SP4: variants seen among roughly 807,000 people sequenced by gnomAD.
SP4 encodes the protein transcription factor Sp4.
A neutral mutation model predicts 72.8 loss-of-function variants in SP4; 19 were observed. That is an observed-to-expected ratio of 0.26 (90% CI 0.18 to 0.38). The LOEUF (loss-of-function observed/expected upper bound fraction) is 0.38. Ranked by LOEUF, SP4 falls within the 10% of genes least tolerant of loss-of-function variation. The pLI, the probability that SP4 is intolerant of heterozygous loss-of-function variation, is 1.00. For missense variants in SP4, 1,008 were observed against 926.3 expected (o/e 1.09, Z -1.14); for synonymous variants, 395 against 333.1 (o/e 1.19, Z -2.02).
chr7:21,454,422 C>T (rs1783698552), intron 3 of SP4, among the ~76,000 whole-genome samples: 1 of 150,526 alleles, frequency 6.6e-6, no homozygotes, highest in African/African-American at 2.4e-5. Context: ...TTGGCTTGAA[C>T]ATCCCTCTTT....
At chr7:21,500,992 C>T (rs1781849376) in intron 5 of SP4, among the ~76,000 whole-genome samples, 1 of 152,262 alleles carries the variant, frequency 6.6e-6, no homozygotes, top group Admixed American at 6.5e-5. Flanking sequence ...GTATGGTAGG[C>T]AGGCACACCC....
intron 5 of SP4, among the ~76,000 whole-genome samples, chr7:21,487,924 G>A (rs545862070): frequency 2.0e-5 from 3 of 151,914 alleles, no homozygotes; most frequent in African/African-American, 4.8e-5. Context: ...TCACTGGCAC[G>A]ATCACAGCTC....
intron 5 of SP4, among the ~76,000 whole-genome samples, chr7:21,502,945 G>C (rs1218583268): frequency 2.0e-5 from 3 of 152,018 alleles, no homozygotes; most frequent in African/African-American, 7.2e-5. Context: ...GGGTTCCTTA[G>C]GTGACCCATG....
At chr7:21,440,022 G>C (rs1179176421) in intron 3 of SP4, among the ~76,000 whole-genome samples, 1 of 152,172 alleles carries the variant, frequency 6.6e-6, no homozygotes, top group Non-Finnish European at 1.5e-5. Flanking sequence ...AAGTTAAGGA[G>C]GTAAGAAATA....
At chr7:21,482,627 T>C in intron 5 of SP4, 1 of 983,780 alleles carries the variant, frequency 1.0e-6, no homozygotes. Context: ...AGTTATAAAG[T>C]GAACATCATG....
At position 21,512,595 on chromosome 7, in the gene SP4, T is replaced by C. The variant is rs992811512; in HGVS notation, c.*1326T>C. On this transcript the variant is annotated 3_prime_UTR_variant, in exon 6 of 6. Transcript: ENST00000222584. ...TTTTTTTTTTGAGATGGAGTCTCGC[T>C]CTCTTGCCCAGGCTGGAGTGCAATG... 1 of 145,256 alleles carries C rather than the reference T, an allele frequency of 6.9e-6. No homozygotes were observed. Among genetic ancestry groups the C allele is most frequent in the Admixed American group, 7.1e-5 (1 of 14,184 alleles). 9.0% of individuals were successfully genotyped at this position (145,256 alleles called of 1,614,324 possible).
intron 3 of SP4, among the ~76,000 whole-genome samples, chr7:21,448,626 C>T (rs1204373947): frequency 6.6e-6 from 1 of 152,108 alleles, no homozygotes; most frequent in Admixed American, 6.5e-5. Context: ...AGATAGCCTG[C>T]CTACTAGACA....
At chr7:21,480,842 T>G (rs2128410856) in intron 4 of SP4, among the ~76,000 whole-genome samples, 1 of 152,348 alleles carries the variant, frequency 6.6e-6, no homozygotes, top group Non-Finnish European at 1.5e-5. Context: ...GAGAGTACCC[T>G]TAGGCTTGAA....
chr7:21,475,711 C>T (rs891944701), intron 3 of SP4, among the ~76,000 whole-genome samples: 1 of 152,174 alleles, frequency 6.6e-6, no homozygotes, highest in African/African-American at 2.4e-5. Context: ...GATCTGACAT[C>T]TCAGCCTCCC....
At chr7:21,489,553 CTTTTTT>C (rs1193080485) in intron 5 of SP4, among the ~76,000 whole-genome samples, 964 of 82,520 alleles carry the variant, frequency 0.012, 16 homozygotes, top group African/African-American at 0.044. Flanking sequence ...TTTCTTTTTT[CTTTTTT>C]TTTTTTTTTT....
At chr7:21,499,420 T>C (rs946561905) in intron 5 of SP4, among the ~76,000 whole-genome samples, 1 of 152,172 alleles carries the variant, frequency 6.6e-6, no homozygotes, top group Non-Finnish European at 1.5e-5. Context: ...ACTCAATAGC[T>C]GATGTCCTTA....
intron 3 of SP4, among the ~76,000 whole-genome samples, chr7:21,451,360 G>C (rs2128398679): frequency 6.6e-6 from 1 of 152,274 alleles, no homozygotes; most frequent in Middle Eastern, 3.4e-3. Flanking sequence ...TTTAACAACT[G>C]CCTGACCACC....
chr7:21,499,876 C>CT (rs1205076750), intron 5 of SP4, among the ~76,000 whole-genome samples: 4 of 152,268 alleles, frequency 2.6e-5, no homozygotes, highest in South Asian at 2.1e-4. Flanking sequence ...AGGCAGAACT[C>CT]TGACAGTTAG....
At chr7:21,433,374 T>G (rs1782931609) in intron 3 of SP4, among the ~76,000 whole-genome samples, 1 of 152,220 alleles carries the variant, frequency 6.6e-6, no homozygotes. Flanking sequence ...ATAAATATGC[T>G]CAATCCTTTT....
chr7:21,452,608 A>C (rs1249193543), intron 3 of SP4, among the ~76,000 whole-genome samples: 2 of 152,190 alleles, frequency 1.3e-5, no homozygotes, highest in East Asian at 3.9e-4. Context: ...AACCTTGGTA[A>C]AATAACCAGT....
At chr7:21,496,180 C>T (rs183375360) in intron 5 of SP4, among the ~76,000 whole-genome samples, 3 of 151,884 alleles carry the variant, frequency 2.0e-5, no homozygotes, top group East Asian at 3.9e-4. Context: ...ATTTTGGTGG[C>T]GATTATGTGA....
At chr7:21,480,594 T>G (rs73060317) in intron 4 of SP4, among the ~76,000 whole-genome samples, 27,640 of 152,188 alleles carry the variant, frequency 0.18, 3,318 homozygotes, top group Non-Finnish European at 0.27. Context: ...TGATTTCTGA[T>G]TCTAATAATT....
chr7:21,463,455 A>G (rs2158415), intron 3 of SP4, among the ~76,000 whole-genome samples: 3,270 of 152,332 alleles, frequency 0.021, 124 homozygotes, highest in African/African-American at 0.074. Flanking sequence ...TAAGAACACC[A>G]GAAAGTGGAT....
chr7:21,442,738 G>A (rs1253477082), intron 3 of SP4, among the ~76,000 whole-genome samples: 1 of 152,086 alleles, frequency 6.6e-6, no homozygotes, highest in Non-Finnish European at 1.5e-5. Flanking sequence ...GTAGTTTTTT[G>A]TTTTGTTTTG....
Sources: gnomAD v4.1 joint callset for allele counts (sites outside exome capture counted in the v4.1 genomes callset) on GRCh38, gnomAD v4.1.1 for gene constraint, MANE v1.5 for transcripts, NCBI Gene and HGNC (gene_info 2026-07-23, HGNC 2026-07-21) for gene names.